PTPRD: variants seen among roughly 807,000 people sequenced by gnomAD.
The protein encoded by PTPRD is receptor-type tyrosine-protein phosphatase delta.
A neutral mutation model predicts 214.5 loss-of-function variants in PTPRD; 34 were observed. The observed-to-expected ratio is 0.16, with a 90% CI of 0.12 to 0.21. PTPRD has a LOEUF of 0.21. PTPRD is among the 10% of genes least tolerant of loss of function. The probability of loss-of-function intolerance (pLI) is 1.00; values close to 1 mark genes in which losing one functional copy is unlikely to be tolerated. For synonymous variants in PTPRD, 1,128 were observed against 845.7 expected (o/e 1.33, Z -5.79); for missense variants, 2,545 against 2,398.7 (o/e 1.06, Z -1.27).
chr9:10,559,942 C>G (rs1269601494), intron 2 of PTPRD, among the ~76,000 whole-genome samples: 2 of 152,064 alleles, frequency 1.3e-5, no homozygotes, highest in Non-Finnish European at 2.9e-5. Context: ...GAAATAGGAA[C>G]ACTTTTACAC....
intron 3 of PTPRD, among the ~76,000 whole-genome samples, chr9:10,226,090 G>C (rs1327776170): frequency 1.3e-5 from 2 of 151,968 alleles, no homozygotes; most frequent in East Asian, 3.9e-4. Flanking sequence ...ATCCCAGCTG[G>C]AATGCACAAG....
chr9:8,334,600 A>C lies in PTPRD; in HGVS notation c.5380-2864T>G, dbSNP rs1230932394. On this transcript the variant is annotated intron_variant, in intron 43 of 45. Coordinates refer to ENST00000381196, the MANE Select transcript of PTPRD (RefSeq NM_002839.4). Reference sequence around the variant, plus strand: ...CAAGAGAAAGCAGGAAAGATCTAAAATCGACACCCTAACATCACAATTGAA... The same window carrying C: ...CAAGAGAAAGCAGGAAAGATCTAAACTCGACACCCTAACATCACAATTGAA... Among the ~76,000 whole-genome samples, 44 of 125,958 alleles carry C rather than the reference A, an allele frequency of 3.5e-4. No homozygotes were observed. The Admixed American group carries it at 3.5e-3, about 10-fold the overall frequency. The allele number at this position is 125,958 out of a possible 152,430, so 82.6% of individuals were successfully genotyped here.
At chr9:10,208,253 G>T (rs779986400) in intron 3 of PTPRD, among the ~76,000 whole-genome samples, 1 of 152,192 alleles carries the variant, frequency 6.6e-6, no homozygotes, top group Admixed American at 6.5e-5. Flanking sequence ...GGTGGCTCAG[G>T]CCCGTAATCC....
rs113283166 is a variant in PTPRD, at chr9:9,474,343, A to C, written c.-236-76861T>G. ...TGTTTTTATACCAATATCATGCCGT[A>C]TTGATTATGATAGCTTTATAGTACA... On this transcript the variant is annotated intron_variant, in intron 8 of 45. Coordinates refer to ENST00000381196, the MANE Select transcript of PTPRD (RefSeq NM_002839.4). 4.4e-3 allele frequency among the ~76,000 whole-genome samples: 654 copies of C among 150,196 alleles called. 3 individuals carry two copies. Among genetic ancestry groups the C allele is most frequent in the African/African-American group, 0.015 (595 of 39,680 alleles).
At chr9:9,143,646 A>C (rs766207722) in intron 10 of PTPRD, among the ~76,000 whole-genome samples, 2 of 152,236 alleles carry the variant, frequency 1.3e-5, no homozygotes, top group Non-Finnish European at 2.9e-5. Flanking sequence ...CTCTATGTTC[A>C]GAGTTTAGTA....
chr9:9,559,776 A>T (rs1310007900), intron 8 of PTPRD, among the ~76,000 whole-genome samples: 1 of 152,232 alleles, frequency 6.6e-6, no homozygotes, highest in African/African-American at 2.4e-5. Context: ...AGTCTGTGAC[A>T]GACCGTACAG....
chr9:9,619,824 A>C (rs2095132669), intron 7 of PTPRD, among the ~76,000 whole-genome samples: 1 of 147,274 alleles, frequency 6.8e-6, no homozygotes, highest in South Asian at 2.1e-4. Context: ...AATATATTTA[A>C]TCTTTATATA....
chr9:10,502,123 T>C (rs930110241), intron 2 of PTPRD, among the ~76,000 whole-genome samples: 1 of 151,874 alleles, frequency 6.6e-6, no homozygotes, highest in African/African-American at 2.4e-5. Context: ...AAACATTTCA[T>C]GGTGAGAAAA....
At chr9:10,352,876 T>C (rs2097206119) in intron 2 of PTPRD, among the ~76,000 whole-genome samples, 1 of 151,978 alleles carries the variant, frequency 6.6e-6, no homozygotes, top group Non-Finnish European at 1.5e-5. Context: ...TCTGCCCCTC[T>C]TTAAGCATAA....
intron 7 of PTPRD, among the ~76,000 whole-genome samples, chr9:9,655,230 A>AT (rs2096479678): frequency 6.6e-6 from 1 of 152,206 alleles, no homozygotes; most frequent in African/African-American, 2.4e-5. Flanking sequence ...TATCCAAAAT[A>AT]TGCAAAGAAC....
chr9:10,401,635 T>A (rs1006556684), intron 2 of PTPRD, among the ~76,000 whole-genome samples: 1 of 147,774 alleles, frequency 6.8e-6, no homozygotes, highest in Non-Finnish European at 1.5e-5. Context: ...AGTATTAAAT[T>A]ATCATCTAAT....
intron 7 of PTPRD, among the ~76,000 whole-genome samples, chr9:9,652,999 A>C (rs1334179543): frequency 6.6e-6 from 1 of 152,124 alleles, no homozygotes; most frequent in East Asian, 1.9e-4. Context: ...GAAATGTTCA[A>C]TATGGACTTA....
chr9:9,461,531 GA>G, intron 8 of PTPRD, among the ~76,000 whole-genome samples: 1 of 152,176 alleles, frequency 6.6e-6, no homozygotes, highest in Non-Finnish European at 1.5e-5. Context: ...CAGAATGGAA[GA>G]AAGTTAATAT....
At chr9:9,111,060 G>A (rs1437235652) in intron 10 of PTPRD, among the ~76,000 whole-genome samples, 1 of 152,046 alleles carries the variant, frequency 6.6e-6, no homozygotes, top group Non-Finnish European at 1.5e-5. Flanking sequence ...GGAGCTGACA[G>A]TCCAACAGGG....
chr9:8,391,506 T>C (rs2089546549), intron 36 of PTPRD, among the ~76,000 whole-genome samples: 1 of 152,156 alleles, frequency 6.6e-6, no homozygotes, highest in Non-Finnish European at 1.5e-5. Flanking sequence ...TAAATAAAAT[T>C]CTCAGGTTAC....
At chr9:9,373,572 G>C (rs1183962302) in intron 9 of PTPRD, among the ~76,000 whole-genome samples, 3 of 151,992 alleles carry the variant, frequency 2.0e-5, no homozygotes, top group African/African-American at 4.8e-5. Context: ...TCTAACTTTT[G>C]GTGACTGTCA....
intron 5 of PTPRD, among the ~76,000 whole-genome samples, chr9:9,803,064 T>C (rs1025141093): frequency 1.3e-5 from 2 of 151,942 alleles, no homozygotes; most frequent in Non-Finnish European, 2.9e-5. Context: ...TTGCAGCATA[T>C]GCATATCGGT....
intron 10 of PTPRD, among the ~76,000 whole-genome samples, chr9:9,079,998 A>T (rs2099756777): frequency 6.6e-6 from 1 of 152,064 alleles, no homozygotes; most frequent in Admixed American, 6.6e-5. Context: ...ATGTTCAATG[A>T]CATCCCGAAC....
chr9:9,105,003 C>T (rs1009684961), intron 10 of PTPRD, among the ~76,000 whole-genome samples: 3 of 152,118 alleles, frequency 2.0e-5, no homozygotes, highest in African/African-American at 4.8e-5. Flanking sequence ...GAAACAAATC[C>T]GTTTAGGACA....
Sources: allele counts gnomAD v4.1 joint callset (sites outside exome capture counted in the v4.1 genomes callset), GRCh38; gene constraint gnomAD v4.1.1; transcripts MANE v1.5; gene names NCBI Gene and HGNC (gene_info 2026-07-23, HGNC 2026-07-21).